The following CACNG3 variants were observed in gnomAD, a reference collection of about 807,000 sequenced individuals.
CACNG3 encodes voltage-dependent calcium channel gamma-3 subunit.
Under a neutral mutation model 28.5 loss-of-function variants are expected in CACNG3, and 3 were observed. The observed-to-expected ratio is 0.11, with a 90% CI of 0.05 to 0.27. CACNG3 has a LOEUF of 0.27. Among genes scored for constraint, CACNG3 ranks in the 10% least tolerant of loss-of-function variants. CACNG3 has a pLI of 1.00. For missense variants in CACNG3, 236 were observed against 414.4 expected, an observed-to-expected ratio of 0.57 and a Z score of 3.74; for synonymous variants, 174 against 162.2, an observed-to-expected ratio of 1.07 and a Z score of -0.55.
chr16:24,296,300 T>C (rs1426723376), intron 1 of CACNG3, among the ~76,000 whole-genome samples: 1 of 152,228 alleles, frequency 6.6e-6, no homozygotes, highest in Non-Finnish European at 1.5e-5. Context: ...CTTTCCATCT[T>C]GTTCTCCTTC....
intron 2 of CACNG3, among the ~76,000 whole-genome samples, chr16:24,352,516 T>G (rs560168932): frequency 8.9e-5 from 11 of 123,378 alleles, no homozygotes; most frequent in Middle Eastern, 7.9e-3. Flanking sequence ...GGTTATGGGG[T>G]TTTTTTTGTT....
chr16:24,312,360 G>T (rs1402121403), intron 1 of CACNG3, among the ~76,000 whole-genome samples: 1 of 152,138 alleles, frequency 6.6e-6, no homozygotes, highest in Admixed American at 6.5e-5. Context: ...AGAGTATGAC[G>T]TCCAAAGTCA....
chr16:24,326,928 G>A (rs1485385608), intron 1 of CACNG3, among the ~76,000 whole-genome samples: 1 of 152,036 alleles, frequency 6.6e-6, no homozygotes, highest in East Asian at 1.9e-4. Flanking sequence ...TCCTGAACCA[G>A]TCTAGCTAAT....
In CACNG3 at chr16:24,357,818, T is replaced by C. The variant is rs187291388; in HGVS notation, c.436+2845T>C. On this transcript the variant is annotated intron_variant, in intron 3 of 3. Coordinates refer to ENST00000005284, the MANE Select transcript of CACNG3 (RefSeq NM_006539.4). ...GTGTCATGCTGATGTGAGAGTTTCC[T>C]AAGAACAAGAGAAGATCATTATGTT... Among the ~76,000 whole-genome samples, 401 of 152,322 alleles carry C rather than the reference T, an allele frequency of 2.6e-3. 3 individuals carry two copies. The highest frequency in any genetic ancestry group is 8.3e-3 in the South Asian group (40 of 4,828).
intron 1 of CACNG3, among the ~76,000 whole-genome samples, chr16:24,328,860 G>C (rs139173500): frequency 6.6e-6 from 1 of 152,218 alleles, no homozygotes; most frequent in East Asian, 1.9e-4. Context: ...ATGCGTCTGC[G>C]TCCACCTCTG....
At chr16:24,311,433 TG>T (rs1171906444) in intron 1 of CACNG3, among the ~76,000 whole-genome samples, 1 of 151,520 alleles carries the variant, frequency 6.6e-6, no homozygotes, top group African/African-American at 2.4e-5. Context: ...CACTTGAACC[TG>T]GGAGGCAGAA....
intron 1 of CACNG3, among the ~76,000 whole-genome samples, chr16:24,309,421 T>G (rs1022112543): frequency 4.6e-5 from 7 of 152,194 alleles, no homozygotes; most frequent in Non-Finnish European, 7.3e-5. Flanking sequence ...CAAAAAGCTA[T>G]GAGCCACACA....
intron 1 of CACNG3, among the ~76,000 whole-genome samples, chr16:24,305,521 A>G (rs1899174772): frequency 6.6e-6 from 1 of 151,870 alleles, no homozygotes; most frequent in African/African-American, 2.4e-5. Context: ...TTTTTAAATT[A>G]TTTTACCATC....
chr16:24,263,186 C>A (rs1291325324), intron 1 of CACNG3, among the ~76,000 whole-genome samples: 3 of 152,090 alleles, frequency 2.0e-5, no homozygotes, highest in Non-Finnish European at 4.4e-5. Flanking sequence ...GAGGAGATAA[C>A]CCCAAATGTT....
At chr16:24,326,611 C>T (rs1190352260) in intron 1 of CACNG3, among the ~76,000 whole-genome samples, 2 of 152,202 alleles carry the variant, frequency 1.3e-5, no homozygotes, top group Non-Finnish European at 2.9e-5. Context: ...GGGTCATGTG[C>T]TCACCCTCTT....
rs146226419 is a variant in CACNG3 at position 24,298,926 on chromosome 16, A to G, written c.211+41961A>G. 3.3e-5 allele frequency among the ~76,000 whole-genome samples: 5 copies of G among 152,336 alleles called. 1 individual carries two copies. The highest frequency in any genetic ancestry group is 2.0e-4 in the Admixed American group (3 of 15,306). Reference sequence around the variant, plus strand: ...GGGGGAAGAAGTCCACCAAGGTAAAATGTCCTTCTCAACACATCAAATCAA... The same window carrying G: ...GGGGGAAGAAGTCCACCAAGGTAAAGTGTCCTTCTCAACACATCAAATCAA... On this transcript the variant is annotated intron_variant, in intron 1 of 3. Coordinates refer to ENST00000005284, the MANE Select transcript of CACNG3 (RefSeq NM_006539.4).
At chr16:24,326,027 T>C (rs1899536735) in intron 1 of CACNG3, among the ~76,000 whole-genome samples, 2 of 152,188 alleles carry the variant, frequency 1.3e-5, no homozygotes, top group African/African-American at 4.8e-5. Context: ...ACCTCTCAGC[T>C]CTATTCTGAA....
intron 1 of CACNG3, among the ~76,000 whole-genome samples, chr16:24,324,053 C>T (rs552673419): frequency 2.6e-5 from 4 of 152,138 alleles, no homozygotes; most frequent in South Asian, 2.1e-4. Context: ...GGATTACAGA[C>T]GTGAGACAAT....
chr16:24,282,677 A>G (rs747617511), intron 1 of CACNG3, among the ~76,000 whole-genome samples: 3 of 152,218 alleles, frequency 2.0e-5, no homozygotes, highest in Non-Finnish European at 2.9e-5. Flanking sequence ...TAAGCTGTTT[A>G]TGAAACAATT....
At chr16:24,286,500 T>C (rs1898896588) in intron 1 of CACNG3, among the ~76,000 whole-genome samples, 1 of 151,972 alleles carries the variant, frequency 6.6e-6, no homozygotes, top group South Asian at 2.1e-4. Context: ...CTAGAATGGA[T>C]TGGAAGCACA....
At chr16:24,265,537 C>T (rs930373089) in intron 1 of CACNG3, among the ~76,000 whole-genome samples, 2 of 151,990 alleles carry the variant, frequency 1.3e-5, no homozygotes. Flanking sequence ...AGCAAGCTAG[C>T]TCACTCAGTG....
chr16:24,361,504 G>T lies in CACNG3; in HGVS notation c.589G>T (p.Val197Leu). The change falls in exon 4 of 4, where the codon GTG (valine) becomes TTG (leucine). Residue 197 changes from valine (V) to leucine (L), a missense_variant. Val to Leu is a conservative substitution (Grantham distance 32). Coordinates refer to ENST00000005284, the MANE Select transcript of CACNG3 (RefSeq NM_006539.4). This position sits in a 1 kb window ranked among gnomAD's most constrained non-coding sequence, Gnocchi z 6.8. ...CGCAGAAATTGTAGGAGTGGTTGCC[G>T]TGCACATCTATATTGAAAAACATCA... ...IIAEIVGVVA[V>L]HIYIEKHQQL... 6.2e-7 allele frequency: 1 copy of T among 1,613,978 alleles called. No individual in the cohort carries two copies. The highest frequency in any genetic ancestry group is 8.5e-7 in the Non-Finnish European group (1 of 1,179,992).
chr16:24,274,885 G>A (rs572987634), intron 1 of CACNG3, among the ~76,000 whole-genome samples: 5 of 152,256 alleles, frequency 3.3e-5, no homozygotes, highest in East Asian at 1.9e-4. Context: ...CCAAATTCTC[G>A]AGACAGTAAG....
chr16:24,303,946 G>A (rs1052055723), intron 1 of CACNG3, among the ~76,000 whole-genome samples: 2 of 152,134 alleles, frequency 1.3e-5, no homozygotes, highest in Non-Finnish European at 2.9e-5. Flanking sequence ...GTGCACACAT[G>A]TGGTCCCAGC....
Sources: allele counts gnomAD v4.1 joint callset (sites outside exome capture counted in the v4.1 genomes callset), GRCh38; gene constraint gnomAD v4.1.1; non-coding constraint Gnocchi (gnomAD v3.1); transcripts MANE v1.5; gene names NCBI Gene and HGNC (gene_info 2026-07-23, HGNC 2026-07-21).